ZNF695: variants seen among roughly 807,000 people sequenced by gnomAD.
ZNF695 encodes the protein zinc finger protein 695.
In ZNF695, 11 loss-of-function variants were observed where a neutral mutation model predicts 11.2. The observed-to-expected ratio is 0.98, with a 90% CI of 0.62 to 1.62. The LOEUF (loss-of-function observed/expected upper bound fraction) is 1.62, where lower values mean the gene tolerates loss of function less well. Among genes scored for constraint, ZNF695 ranks in the 40% most tolerant of loss-of-function variants. The pLI, the probability that ZNF695 is intolerant of heterozygous loss-of-function variation, is 0.00. For synonymous variants in ZNF695, 190 were observed against 201.4 expected, an observed-to-expected ratio of 0.94 and a Z score of 0.48; for missense variants, 559 against 590.5, an observed-to-expected ratio of 0.95 and a Z score of 0.55.
chr1:246,971,143 C>T (rs2103012188), intron 4 of ZNF695, among the ~76,000 whole-genome samples: 1 of 152,270 alleles, frequency 6.6e-6, no homozygotes, highest in East Asian at 1.9e-4. Context: ...GAGCCATCTC[C>T]AATGATAGGT....
rs1252759467 is a variant in ZNF695 at position 246,987,239 on chromosome 1, G to A, written c.1276C>T (p.His426Tyr). The change falls in exon 4 of 4, where the codon CAT becomes TAT. Residue 426 changes from histidine to tyrosine, a missense_variant. By Grantham distance (83) the His-to-Tyr change is moderately conservative (BLOSUM62 2). Transcript: ENST00000339986. ...AFTWFSYLTQHKRIHTGEKPY... is the reference protein window; with the variant it reads ...AFTWFSYLTQYKRIHTGEKPY... ...TTCTCTCCAGTATGAATTCTCTTAT[G>A]TTGAGTAAGGTATGAAAACCAGGTA... 9.9e-6 allele frequency: 16 copies of A among 1,613,828 alleles called. No homozygotes were observed. The East Asian group carries it at 3.3e-4, about 34-fold the overall frequency.
intron 3 of ZNF695, 98 bp from the exon 4 acceptor site, chr1:246,988,353 T>C (rs1175166484): frequency 1.1e-6 from 1 of 882,812 alleles, no homozygotes; most frequent in Non-Finnish European, 1.7e-6. Context: ...CAAGATAGCA[T>C]AATGAAATAC....
chr1:246,988,011 A>T lies in ZNF695; in HGVS notation c.504T>A (p.Phe168Leu). The T allele has an allele frequency of 6.3e-7, 1 of 1,595,484 alleles. No homozygotes were observed. Among genetic ancestry groups the T allele is most frequent in the Non-Finnish European group, 8.5e-7 (1 of 1,173,782 alleles). Reference sequence around the variant, plus strand: ...TTATCTTACATTTATTTAGATTTGCAAATTTACTAAAACCTTTCACACATT... The same window carrying T: ...TTATCTTACATTTATTTAGATTTGCTAATTTACTAAAACCTTTCACACATT... ...CNKCVKGFSK[F>L]ANLNKCKISH... The change falls in exon 4 of 4, where the codon TTT (phenylalanine) becomes TTA (leucine). Residue 168 changes from phenylalanine (F) to leucine (L), a missense_variant. Phe to Leu is a conservative substitution (Grantham distance 22, BLOSUM62 0). Coordinates refer to ENST00000339986, the MANE Select transcript of ZNF695 (RefSeq NM_020394.5).
chr1:247,002,092 A>G (rs537602226), intron 1 of ZNF695, among the ~76,000 whole-genome samples: 2 of 152,138 alleles, frequency 1.3e-5, no homozygotes, highest in Non-Finnish European at 2.9e-5. Flanking sequence ...TGGCCATAAA[A>G]CAATTACCAA....
Position 246,987,336 on chromosome 1 carries a change from T to C in ZNF695, c.1179A>G (p.Ser393=), listed in dbSNP as rs1052398235. 4 of 1,613,676 alleles carry C rather than the reference T, an allele frequency of 2.5e-6. No individual in the cohort carries two copies. The highest frequency in any genetic ancestry group is 1.7e-5 in the Admixed American group (1 of 59,980). ...EECGKAFTWF[S]YLIQHKRIHT... ...GAATTCTCTTATGCTGAATAAGGTA[T>C]GAGAACCAGGTAAAAGCTTTGCCAC... Residue 393 remains serine, a synonymous_variant, in exon 4 of 4, where the codon TCA becomes TCG. Transcript: ENST00000339986.
chr1:246,945,815 C>G, exon 6 of ZNF695: 1 of 1,550,034 alleles, frequency 6.5e-7, no homozygotes, highest in South Asian at 1.2e-5. Flanking sequence ...GCTCGATGGT[C>G]GACGACTGGA....
intron 5 of ZNF695, among the ~76,000 whole-genome samples, chr1:246,955,855 C>G (rs1667981367): frequency 6.6e-6 from 1 of 152,154 alleles, no homozygotes; most frequent in African/African-American, 2.4e-5. Context: ...ATGATGCTCA[C>G]AAGAACTCCC....
chr1:246,987,537 A>G lies in ZNF695; in HGVS notation c.978T>C (p.Cys326=). 6.2e-7 allele frequency: 1 copy of G among 1,603,882 alleles called. No homozygotes were observed. Among genetic ancestry groups the G allele is most frequent in the Non-Finnish European group, 8.5e-7 (1 of 1,175,588 alleles). Residue 326 remains cysteine (C), a synonymous_variant, in exon 4 of 4, where the codon TGT becomes TGC. Transcript: ENST00000339986. ...RIHSREKPYK[C]EECGKVFKLL... ...ATTTAAAGACTTTGCCACATTCTTC[A>G]CACTTGTAGGGTTTCTCTCTACTAT...
At chr1:247,005,643 G>T (rs559800071) in intron 1 of ZNF695, among the ~76,000 whole-genome samples, 1 of 152,114 alleles carries the variant, frequency 6.6e-6, no homozygotes, top group South Asian at 2.1e-4. Context: ...GAGCCCAGGG[G>T]ATGACAGAGT....
At chr1:247,005,895 T>G (rs1433088595) in intron 1 of ZNF695, among the ~76,000 whole-genome samples, 1 of 152,160 alleles carries the variant, frequency 6.6e-6, no homozygotes, top group Non-Finnish European at 1.5e-5. Context: ...TTTCTTCTCA[T>G]GTGAAATGTT....
At chr1:246,973,972 G>T (rs920928300) in intron 4 of ZNF695, among the ~76,000 whole-genome samples, 6 of 152,118 alleles carry the variant, frequency 3.9e-5, no homozygotes, top group Non-Finnish European at 8.8e-5. Flanking sequence ...CAGGTTGCCT[G>T]TCAGTGGTTT....
intron 5 of ZNF695, chr1:246,945,940 A>G: frequency 7.5e-7 from 1 of 1,342,046 alleles, no homozygotes; most frequent in Admixed American, 2.0e-5. Flanking sequence ...CCATTGGAGA[A>G]GTCTGTCTGT....
chr1:246,988,291 C>T (rs1668917526), intron 3 of ZNF695, 36 bp from the exon 4 acceptor site: 1 of 1,457,284 alleles, frequency 6.9e-7, no homozygotes, highest in Non-Finnish European at 9.2e-7. Context: ...ATTCCACTTA[C>T]TAGATAGCAT....
Position 246,986,338 on chromosome 1 carries a change from A to T in ZNF695, c.*629T>A. 2.0e-6 allele frequency: 2 copies of T among 980,140 alleles called. No homozygotes were observed. Among genetic ancestry groups the T allele is most frequent in the Non-Finnish European group, 2.4e-6 (2 of 825,148 alleles). The allele number at this position is 980,140 out of a possible 1,614,324, so 60.7% of individuals were successfully genotyped here. A position where few individuals can be genotyped will look rare whatever the true frequency, so the allele number is the denominator to read the frequency against. Reference sequence around the variant, plus strand: ...CGACCTCGGCATCCAAAAGTGCAGCAACTATAGGAAAGAGCCACCGTGCCT... The same window carrying T: ...CGACCTCGGCATCCAAAAGTGCAGCTACTATAGGAAAGAGCCACCGTGCCT... On this transcript the variant is annotated 3_prime_UTR_variant, in exon 4 of 4. Coordinates refer to ENST00000339986, the MANE Select transcript of ZNF695 (RefSeq NM_020394.5).
At chr1:246,955,929 G>A (rs930993466) in intron 5 of ZNF695, among the ~76,000 whole-genome samples, 1 of 151,654 alleles carries the variant, frequency 6.6e-6, no homozygotes, top group African/African-American at 2.4e-5. Context: ...AGGCACGGGA[G>A]CCAGATGAGG....
At chr1:246,984,370 T>C (rs1182183354), downstream of ZNF695, among the ~76,000 whole-genome samples, 1 of 151,482 alleles carries the variant, frequency 6.6e-6, no homozygotes, top group East Asian at 1.9e-4. Flanking sequence ...AGAGATAATT[T>C]GGAAATAAAA....
chr1:246,998,501 G>C (rs1486718159), intron 3 of ZNF695, among the ~76,000 whole-genome samples: 1 of 152,166 alleles, frequency 6.6e-6, no homozygotes, highest in Non-Finnish European at 1.5e-5. Context: ...GAGATGCTTA[G>C]TCTTCTGATA....
chr1:246,979,029 T>G (rs1370985820), intron 4 of ZNF695, among the ~76,000 whole-genome samples: 1 of 152,204 alleles, frequency 6.6e-6, no homozygotes. Context: ...GGTTTCACCT[T>G]GGAAGCCTGA....
rs746227183 is a variant in ZNF695, at chr1:246,986,196, G to A, written c.*771C>T. 63 of 500,970 alleles carry A rather than the reference G, an allele frequency of 1.3e-4. No homozygotes were observed. The highest frequency in any genetic ancestry group is 1.6e-4 in the Non-Finnish European group (61 of 387,528). 31.0% of individuals were successfully genotyped at this position (500,970 alleles called of 1,614,324 possible). ...CAATCCTCCCACCTGAGCCTTCCAA[G>A]TAGCTGGGACAACAGGCATGTGCCA... is the stretch of plus-strand genomic sequence containing the variant. On this transcript the variant is annotated 3_prime_UTR_variant, in exon 4 of 4. Transcript: ENST00000339986.
Sources: gnomAD v4.1 joint callset for allele counts (sites outside exome capture counted in the v4.1 genomes callset) on GRCh38, gnomAD v4.1.1 for gene constraint, MANE v1.5 for transcripts, NCBI Gene and HGNC (gene_info 2026-07-23, HGNC 2026-07-21) for gene names.